PRR16: variants seen among roughly 807,000 people sequenced by gnomAD.
The protein encoded by PRR16 is proline rich 16, also known as protein Largen.
A neutral mutation model predicts 18.2 loss-of-function variants in PRR16; 6 were observed. The observed-to-expected ratio is 0.33, with a 90% CI of 0.18 to 0.65. PRR16 has a LOEUF of 0.65. Ranked by LOEUF, PRR16 falls within the 30% of genes least tolerant of loss-of-function variation. The pLI is 0.74. For missense variants in PRR16, 412 were observed against 376.6 expected, an observed-to-expected ratio of 1.09 and a Z score of -0.78; for synonymous variants, 151 against 147.8, an observed-to-expected ratio of 1.02 and a Z score of -0.16.
chr5:120,511,500 A>G (rs950397229), intron 1 of PRR16, among the ~76,000 whole-genome samples: 12 of 152,074 alleles, frequency 7.9e-5, no homozygotes, highest in Non-Finnish European at 1.6e-4. Flanking sequence ...CCTATTATGT[A>G]GTGATTTTAT....
intron 1 of PRR16, among the ~76,000 whole-genome samples, chr5:120,599,266 C>T (rs1039474053): frequency 1.3e-5 from 2 of 151,692 alleles, no homozygotes; most frequent in East Asian, 1.9e-4. Flanking sequence ...TTGCATAAGT[C>T]GTACATAAAA....
intron 1 of PRR16, among the ~76,000 whole-genome samples, chr5:120,662,022 G>C (rs1252812568): frequency 6.6e-6 from 1 of 152,078 alleles, no homozygotes; most frequent in Non-Finnish European, 1.5e-5. Context: ...AGGCACAGCT[G>C]GGGTGGAAAA....
At chr5:120,506,970 G>A (rs13356782) in intron 1 of PRR16, among the ~76,000 whole-genome samples, 1 of 151,990 alleles carries the variant, frequency 6.6e-6, no homozygotes. Flanking sequence ...ATAGAAGAAG[G>A]CAAGGCAACT....
chr5:120,498,054 G>GTGGTGGAAAAT (rs1750318343), intron 1 of PRR16, among the ~76,000 whole-genome samples: 1 of 150,964 alleles, frequency 6.6e-6, no homozygotes, highest in African/African-American at 2.4e-5. Context: ...GTTTATGTAT[G>GTGGTGGAAAAT]CCATTTTAAT....
intron 1 of PRR16, among the ~76,000 whole-genome samples, chr5:120,487,995 A>G (rs1177466308): frequency 6.6e-6 from 1 of 152,208 alleles, no homozygotes; most frequent in East Asian, 1.9e-4. Context: ...CCAGGGATGA[A>G]GCCCACTTGA....
At chr5:120,625,326 T>C (rs572552710) in intron 1 of PRR16, among the ~76,000 whole-genome samples, 2 of 152,068 alleles carry the variant, frequency 1.3e-5, no homozygotes, top group South Asian at 2.1e-4. Context: ...GAAAATAAAT[T>C]TTTAGTTTGT....
intron 1 of PRR16, among the ~76,000 whole-genome samples, chr5:120,672,050 G>T (rs1175199978): frequency 6.6e-6 from 1 of 152,154 alleles, no homozygotes; most frequent in Non-Finnish European, 1.5e-5. Flanking sequence ...CCTTTGGGAG[G>T]TTACAGTCTT....
At chr5:120,733,965 C>T in the PRR16 span, among the ~76,000 whole-genome samples, 4 of 152,028 alleles carry the variant, frequency 2.6e-5, no homozygotes, top group Admixed American at 1.3e-4. Flanking sequence ...CCCTTACTTA[C>T]GGTGATGTGT....
chr5:120,553,317 G>C (rs1752311895), intron 1 of PRR16, among the ~76,000 whole-genome samples: 1 of 151,846 alleles, frequency 6.6e-6, no homozygotes, highest in Non-Finnish European at 1.5e-5. Flanking sequence ...AGGAAGGACT[G>C]TTCTCAAACC....
At chr5:120,513,012 C>G (rs1750878564) in intron 1 of PRR16, among the ~76,000 whole-genome samples, 1 of 152,106 alleles carries the variant, frequency 6.6e-6, no homozygotes, top group Non-Finnish European at 1.5e-5. Flanking sequence ...TAAATATGGT[C>G]ACTCCGGAAC....
At chr5:120,794,324 T>G in the PRR16 span, among the ~76,000 whole-genome samples, 1 of 152,160 alleles carries the variant, frequency 6.6e-6, no homozygotes, top group Non-Finnish European at 1.5e-5. Context: ...TTTTACAAAT[T>G]GAAGGTTTGT....
At chr5:120,549,363 C>T (rs1419343297) in intron 1 of PRR16, among the ~76,000 whole-genome samples, 1 of 152,052 alleles carries the variant, frequency 6.6e-6, no homozygotes, top group Non-Finnish European at 1.5e-5. Flanking sequence ...CGTTGTGAGC[C>T]ACCACACCCA....
chr5:120,478,975 A>G (rs563350276), intron 1 of PRR16, among the ~76,000 whole-genome samples: 120 of 152,270 alleles, frequency 7.9e-4, no homozygotes, highest in African/African-American at 2.8e-3. Flanking sequence ...TGTGCTTTAG[A>G]AACAAGCAAG....
At chr5:120,651,406 G>T (rs1755784804) in intron 1 of PRR16, among the ~76,000 whole-genome samples, 1 of 152,114 alleles carries the variant, frequency 6.6e-6, no homozygotes, top group Admixed American at 6.5e-5. Flanking sequence ...CCTTGCCCAT[G>T]CCTATGTCCT....
chr5:120,612,217 C>A (rs4438902), intron 1 of PRR16, among the ~76,000 whole-genome samples: 65,835 of 152,026 alleles, frequency 0.43, 15,068 homozygotes, highest in East Asian at 0.82. Context: ...ATTTTACAGG[C>A]TCATAGGTAG....
At chr5:120,612,703 C>T (rs531891062) in intron 1 of PRR16, among the ~76,000 whole-genome samples, 16 of 152,072 alleles carry the variant, frequency 1.1e-4, no homozygotes, top group African/African-American at 3.1e-4. Context: ...ATGTCTTTAC[C>T]GGCAGCATGA....
rs1287416052 is a variant in PRR16 at position 120,686,067 on chromosome 5, C to T, written c.273C>T (p.Ser91=). Residue 91 remains serine, a synonymous_variant, in exon 2 of 2, where the codon AGC becomes AGT. Coordinates refer to ENST00000407149, the MANE Select transcript of PRR16 (RefSeq NM_001300783.2). ...GCTCAAGTGGCACAACAGCCTCCAG[C>T]CTAGAGAAGATCAAAGTGCAGGCTA... ...NSSSSGTTAS[S]LEKIKVQANA... is the part of the protein sequence containing the mutation. The T allele has an allele frequency of 1.9e-6, 3 of 1,614,118 alleles. No homozygotes were observed. Among genetic ancestry groups the T allele is most frequent in the Non-Finnish European group, 2.5e-6 (3 of 1,180,026 alleles).
chr5:120,702,044 GA>G, the PRR16 span, among the ~76,000 whole-genome samples: 1 of 152,076 alleles, frequency 6.6e-6, no homozygotes, highest in African/African-American at 2.4e-5. Context: ...GGGAGTAGAA[GA>G]AGGAATGGAG....
At chr5:120,718,485 T>C in the PRR16 span, among the ~76,000 whole-genome samples, 1 of 152,126 alleles carries the variant, frequency 6.6e-6, no homozygotes, top group Non-Finnish European at 1.5e-5. Flanking sequence ...CTCCAAAGTC[T>C]CCAAAGGAGC....
Sources: gnomAD v4.1 joint callset for allele counts (sites outside exome capture counted in the v4.1 genomes callset) on GRCh38, gnomAD v4.1.1 for gene constraint, MANE v1.5 for transcripts, NCBI Gene and HGNC (gene_info 2026-07-23, HGNC 2026-07-21) for gene names.